The following MDGA2 variants were observed in gnomAD, a reference collection of about 807,000 sequenced individuals.
MDGA2 encodes MAM domain-containing glycosylphosphatidylinositol anchor protein 2.
Under a neutral mutation model 117.8 loss-of-function variants are expected in MDGA2, and 40 were observed. The observed-to-expected ratio is 0.34, with a 90% CI of 0.26 to 0.44. The LOEUF is 0.44. Ranked by LOEUF, MDGA2 falls within the 20% of genes least tolerant of loss-of-function variation. The probability of loss-of-function intolerance (pLI) is 1.00; values close to 1 mark genes in which losing one functional copy is unlikely to be tolerated. For synonymous variants in MDGA2, 452 were observed against 439.0 expected (o/e 1.03, Z -0.37); for missense variants, 1,123 against 1,250.6 (o/e 0.90, Z 1.54).
intron 2 of MDGA2, among the ~76,000 whole-genome samples, chr14:47,255,501 C>A (rs1040032183): frequency 8.5e-5 from 13 of 152,190 alleles, no homozygotes; most frequent in African/African-American, 2.9e-4. Flanking sequence ...ATGCCTGCAT[C>A]TTCAGAAGCT....
chr14:46,876,742 T>C (rs1882247997), intron 12 of MDGA2, among the ~76,000 whole-genome samples: 1 of 151,424 alleles, frequency 6.6e-6, no homozygotes, highest in Non-Finnish European at 1.5e-5. Flanking sequence ...TGATACCCAG[T>C]GGTCCTTTTG....
At chr14:47,561,795 G>C (rs527697502) in intron 1 of MDGA2, among the ~76,000 whole-genome samples, 3 of 152,262 alleles carry the variant, frequency 2.0e-5, no homozygotes, top group African/African-American at 7.2e-5. Context: ...GGACATCCTT[G>C]TCTTGTTCCA....
At chr14:47,274,398 A>C (rs1376989961) in intron 2 of MDGA2, among the ~76,000 whole-genome samples, 5 of 151,776 alleles carry the variant, frequency 3.3e-5, no homozygotes, top group Non-Finnish European at 7.4e-5. Flanking sequence ...CTTTTTGCGC[A>C]TGTATTATTA....
rs183591296 is a variant in MDGA2 at position 47,483,615 on chromosome 14, C to T, written c.281-182065G>A. Among the ~76,000 whole-genome samples the T allele has an allele frequency of 6.0e-4, 91 of 152,252 alleles. 1 individual carries two copies. In the East Asian group the frequency reaches 0.01, roughly 17 times the overall value. ...TCCACCATGTATGTAAAGAGAAGTACAGATGGTGACAGACAAAGCTGAAAG... is the reference window on the plus strand; with the variant it reads ...TCCACCATGTATGTAAAGAGAAGTATAGATGGTGACAGACAAAGCTGAAAG... On this transcript the variant is annotated intron_variant, in intron 1 of 16. Transcript: ENST00000399232.
chr14:47,341,004 C>G (rs906479580), intron 1 of MDGA2, among the ~76,000 whole-genome samples: 2 of 152,144 alleles, frequency 1.3e-5, no homozygotes, highest in African/African-American at 4.8e-5. Context: ...GTCCCACCCT[C>G]TATATTTAAT....
At chr14:47,373,516 C>G (rs1208219968) in intron 1 of MDGA2, among the ~76,000 whole-genome samples, 2 of 151,820 alleles carry the variant, frequency 1.3e-5, no homozygotes, top group South Asian at 4.2e-4. Context: ...CATCAGTGAA[C>G]CTTGAAAGTA....
intron 8 of MDGA2, among the ~76,000 whole-genome samples, chr14:46,992,862 T>C (rs985302732): frequency 6.6e-6 from 1 of 152,190 alleles, no homozygotes; most frequent in African/African-American, 2.4e-5. Context: ...GAGGCTTGCA[T>C]GAAGTTGATT....
intron 1 of MDGA2, among the ~76,000 whole-genome samples, chr14:47,509,465 C>T (rs1894592626): frequency 6.6e-6 from 1 of 152,104 alleles, no homozygotes; most frequent in African/African-American, 2.4e-5. Context: ...GAGCTGTGCC[C>T]AGCAGAGCAC....
At chr14:47,420,768 T>C (rs1892562061) in intron 1 of MDGA2, among the ~76,000 whole-genome samples, 1 of 151,894 alleles carries the variant, frequency 6.6e-6, no homozygotes, top group African/African-American at 2.4e-5. Flanking sequence ...AGGACTCCCA[T>C]TTTCCTTAGA....
At chr14:47,549,950 C>A (rs1332073756) in intron 1 of MDGA2, among the ~76,000 whole-genome samples, 1 of 152,204 alleles carries the variant, frequency 6.6e-6, no homozygotes, top group Non-Finnish European at 1.5e-5. Flanking sequence ...GCCATTTAAT[C>A]TGTGGTATTT....
At chr14:47,652,943 T>C (rs936002609) in intron 1 of MDGA2, among the ~76,000 whole-genome samples, 2 of 152,256 alleles carry the variant, frequency 1.3e-5, no homozygotes, top group Admixed American at 6.5e-5. Flanking sequence ...TACTACACCA[T>C]GGGGAAGTAA....
chr14:47,665,431 C>G (rs145533587), intron 1 of MDGA2, among the ~76,000 whole-genome samples: 3 of 152,214 alleles, frequency 2.0e-5, no homozygotes, highest in Non-Finnish European at 4.4e-5. Flanking sequence ...ATTCTGGCCA[C>G]GCTTGAGGAG....
chr14:47,268,118 G>A (rs1306377653), intron 2 of MDGA2, among the ~76,000 whole-genome samples: 7 of 151,360 alleles, frequency 4.6e-5, no homozygotes. Context: ...TGTTGCCCAG[G>A]CTGGAGTGCA....
chr14:47,135,277 G>A (rs960148414), intron 4 of MDGA2, among the ~76,000 whole-genome samples: 1 of 151,946 alleles, frequency 6.6e-6, no homozygotes, highest in Non-Finnish European at 1.5e-5. Flanking sequence ...TCTAGTTACT[G>A]AAGTCTGCAA....
intron 15 of MDGA2, among the ~76,000 whole-genome samples, chr14:46,847,696 CA>C (rs1183273963): frequency 1.3e-5 from 2 of 151,848 alleles, no homozygotes; most frequent in Non-Finnish European, 2.9e-5. Flanking sequence ...CAGAATATTC[CA>C]CATTATGGAT....
At chr14:47,165,726 CA>C (rs1883842788) in intron 3 of MDGA2, among the ~76,000 whole-genome samples, 1 of 152,048 alleles carries the variant, frequency 6.6e-6, no homozygotes, top group South Asian at 2.1e-4. Context: ...AGGCCTTTGC[CA>C]AAACTGATAT....
intron 2 of MDGA2, among the ~76,000 whole-genome samples, chr14:47,247,245 G>T (rs1411464320): frequency 6.6e-6 from 1 of 151,614 alleles, no homozygotes; most frequent in Non-Finnish European, 1.5e-5. Context: ...ACTCCTCCGG[G>T]TGTGGAGACA....
At chr14:47,433,478 C>A (rs1356473574) in intron 1 of MDGA2, among the ~76,000 whole-genome samples, 1 of 152,018 alleles carries the variant, frequency 6.6e-6, no homozygotes, top group African/African-American at 2.4e-5. Context: ...TATTTTTACC[C>A]TATAAAATAA....
intron 8 of MDGA2, among the ~76,000 whole-genome samples, chr14:46,985,633 A>G (rs1258426896): frequency 1.3e-5 from 2 of 152,114 alleles, no homozygotes; most frequent in African/African-American, 4.8e-5. Flanking sequence ...GCAATAGAAT[A>G]TGGCACTTAT....
Sources: gnomAD v4.1 joint callset for allele counts (sites outside exome capture counted in the v4.1 genomes callset) on GRCh38, gnomAD v4.1.1 for gene constraint, MANE v1.5 for transcripts, NCBI Gene and HGNC (gene_info 2026-07-23, HGNC 2026-07-21) for gene names.